The following MAP7D1 variants were observed in gnomAD, a reference collection of about 807,000 sequenced individuals.
MAP7D1 encodes the protein MAP7 domain-containing protein 1.
MAP7D1 carries 30 observed loss-of-function variants against 97.5 expected under a neutral mutation model. The observed-to-expected ratio is 0.31, with a 90% CI of 0.23 to 0.42. MAP7D1 has a LOEUF of 0.42. MAP7D1 is among the 10% of genes least tolerant of loss of function. The pLI is 1.00. For synonymous variants in MAP7D1, 536 were observed against 477.1 expected, an observed-to-expected ratio of 1.12 and a Z score of -1.61; for missense variants, 1,184 against 1,179.5, an observed-to-expected ratio of 1.00 and a Z score of -0.06.
rs751161057 is a variant in MAP7D1, at chr1:36,178,447, C to T, written c.1737C>T (p.Ala579=). 12 of 1,611,114 alleles carry T rather than the reference C, an allele frequency of 7.4e-6. No homozygotes were observed. Among genetic ancestry groups the T allele is most frequent in the Non-Finnish European group, 9.3e-6 (11 of 1,179,466 alleles). ...TDAAVLTSPP[A]PAPPVTPSKP... is the part of the protein sequence containing the mutation. ...CTGCTGTCTTGACCTCACCCCCAGCCCCTGCTCCCCCGGTGACCCCTAGCA... is the reference window on the plus strand; with the variant it reads ...CTGCTGTCTTGACCTCACCCCCAGCTCCTGCTCCCCCGGTGACCCCTAGCA... The change falls in exon 10 of 17, where the codon GCC becomes GCT. Residue 579 remains alanine (A), a synonymous_variant. Transcript: ENST00000474796.
In MAP7D1 at chr1:36,180,547, G is replaced by A. The variant is rs1341230538; in HGVS notation, c.*289G>A. On this transcript the variant is annotated 3_prime_UTR_variant, in exon 17 of 17. Transcript: ENST00000474796. The stretch of plus-strand genomic sequence containing the variant: ...CTCTTCCCTTGGGGAGGGGCCACCT[G>A]TAGTATTTGCCTTGATTTGGTGGGG... 1 of 503,042 alleles carries A rather than the reference G, an allele frequency of 2.0e-6. No individual in the cohort carries two copies. The highest frequency in any genetic ancestry group is 3.6e-5 in the East Asian group (1 of 27,442). 31.2% of individuals were successfully genotyped at this position (503,042 alleles called of 1,614,324 possible). A position where few individuals can be genotyped will look rare whatever the true frequency, so the allele number is the denominator to read the frequency against.
intron 1 of MAP7D1, among the ~76,000 whole-genome samples, chr1:36,165,755 G>A (rs1274732695): frequency 1.4e-5 from 2 of 144,584 alleles, no homozygotes; most frequent in Admixed American, 1.4e-4. Context: ...TTTGGAGACG[G>A]AGTCTCACTC....
At chr1:36,162,226 G>A (rs967935514) in intron 1 of MAP7D1, among the ~76,000 whole-genome samples, 1 of 152,152 alleles carries the variant, frequency 6.6e-6, no homozygotes, top group Admixed American at 6.5e-5. Flanking sequence ...CCCTCTCGCT[G>A]CCCCTGGAGG....
chr1:36,179,359 G>T (rs755546589), intron 13 of MAP7D1, 44 bp downstream of exon 13: 1 of 1,609,756 alleles, frequency 6.2e-7, no homozygotes, highest in Non-Finnish European at 8.5e-7. Context: ...GGGGGGCAGG[G>T]TGTGAAAAGG....
intron 5 of MAP7D1, 93 bp downstream of exon 5, chr1:36,173,571 C>A: frequency 1.1e-6 from 1 of 917,022 alleles, no homozygotes; most frequent in Non-Finnish European, 1.7e-6. Flanking sequence ...GCTGGTGGCT[C>A]CCTGCAGCAG....
rs1408274377 is a variant in MAP7D1, at chr1:36,177,965, C to T, written c.1472C>T (p.Pro491Leu). Residue 491 changes from proline to leucine, a missense_variant, in exon 9 of 17, where the codon CCT becomes CTT. By Grantham distance (98) the Pro-to-Leu change is moderately conservative. Transcript: ENST00000474796. ...AGCCCAGGGCCAGGCCACACTCTGCCTCCAAAGCCACCGTCCCCCCGAGGC... is the reference window on the plus strand; with the variant it reads ...AGCCCAGGGCCAGGCCACACTCTGCTTCCAAAGCCACCGTCCCCCCGAGGC... Reference protein sequence around the residue: ...CPSPGPGHTLPPKPPSPRGTT... With the variant: ...CPSPGPGHTLLPKPPSPRGTT... 1.9e-6 allele frequency: 3 copies of T among 1,603,380 alleles called. No individual in the cohort carries two copies. Among genetic ancestry groups the T allele is most frequent in the African/African-American group, 1.3e-5 (1 of 74,918 alleles).
intron 1 of MAP7D1, among the ~76,000 whole-genome samples, chr1:36,169,681 T>C (rs1025081605): frequency 1.3e-5 from 2 of 152,204 alleles, no homozygotes; most frequent in African/African-American, 4.8e-5. Flanking sequence ...TAGCAGCAGA[T>C]GGCACCAGGG....
Position 36,178,507 on chromosome 1 carries a change from C to A in MAP7D1, c.1797C>A (p.Ala599=). Residue 599 remains alanine (A), a synonymous_variant, in exon 10 of 17, where the codon GCC becomes GCA. Transcript: ENST00000474796. ...CCGGCACCACAGACCGAGAAGAAGCCACTCGGCTCTTGGCTGAGAAGCGGC... is the reference window on the plus strand; with the variant it reads ...CCGGCACCACAGACCGAGAAGAAGCAACTCGGCTCTTGGCTGAGAAGCGGC... ...PMAGTTDREE[A]TRLLAEKRRQ... is the part of the protein sequence containing the mutation. 6.2e-7 allele frequency: 1 copy of A among 1,610,582 alleles called. No homozygotes were observed.
Position 36,171,027 on chromosome 1 carries a change from C to A in MAP7D1, c.103C>A (p.Pro35Thr). The change falls in exon 2 of 17, where the codon CCC becomes ACC. Residue 35 changes from proline to threonine, a missense_variant. Physicochemically the swap from Pro to Thr is conservative, Grantham distance 38 (BLOSUM62 -1). Coordinates refer to ENST00000474796, the MANE Select transcript of MAP7D1 (RefSeq NM_001388490.1). ...ACCTTCTCCAGAAGGTGACCCTTCC[C>A]CCCCACCACCACCAATGTCAGCCCT... ...PRPSPEGDPS[P>T]PPPPMSALVP... The A allele has an allele frequency of 6.6e-7, 1 of 1,522,808 alleles. No individual in the cohort carries two copies. The highest frequency in any genetic ancestry group is 9.0e-7 in the Non-Finnish European group (1 of 1,116,810). The allele number at this position is 1,522,808 out of a possible 1,614,324, so 94.3% of individuals were successfully genotyped here.
chr1:36,156,876 G>A (rs893637982), intron 1 of MAP7D1, among the ~76,000 whole-genome samples: 1 of 151,820 alleles, frequency 6.6e-6, no homozygotes, highest in Admixed American at 6.5e-5. Flanking sequence ...GCCTGAGTGT[G>A]TCGGGGGTCC....
chr1:36,175,593 A>G (rs1434020940), intron 6 of MAP7D1, among the ~76,000 whole-genome samples: 1 of 152,202 alleles, frequency 6.6e-6, no homozygotes, highest in Non-Finnish European at 1.5e-5. Flanking sequence ...GTTATTTATA[A>G]GTTTCTCTTG....
chr1:36,160,405 G>A lies in MAP7D1; in HGVS notation c.46+3942G>A, dbSNP rs12085858. On this transcript the variant is annotated intron_variant, in intron 1 of 16. Coordinates refer to ENST00000474796, the MANE Select transcript of MAP7D1 (RefSeq NM_001388490.1). ...GATGTGAGCCAGGTAGAGACTCCCC[G>A]GTGAACCAAGTTATTTCCCATTAAT... Among the ~76,000 whole-genome samples, 601 of 152,278 alleles carry A rather than the reference G, an allele frequency of 3.9e-3. 8 individuals carry two copies. The highest frequency in any genetic ancestry group is 0.014 in the African/African-American group (566 of 41,552).
At position 36,178,791 on chromosome 1, in the gene MAP7D1, G is replaced by C; in HGVS notation, c.1993G>C (p.Glu665Gln). The C allele has an allele frequency of 6.5e-7, 1 of 1,546,506 alleles. No homozygotes were observed. The highest frequency in any genetic ancestry group is 8.7e-7 in the Non-Finnish European group (1 of 1,145,390). The change falls in exon 11 of 17, where the codon GAG becomes CAG. Residue 665 changes from glutamate to glutamine, a missense_variant. Physicochemically the swap from Glu to Gln is conservative, Grantham distance 29. Transcript: ENST00000474796. The stretch of plus-strand genomic sequence containing the variant: ...GGAGGCACGAGAGAAGGCGCAGGCC[G>C]AGCAGGAGGAGCAGGAGCGGCTGCA... The part of the protein sequence containing the change: ...EQEAREKAQA[E>Q]QEEQERLQKQ...
chr1:36,165,784 G>A (rs988986741), intron 1 of MAP7D1, among the ~76,000 whole-genome samples: 6 of 145,288 alleles, frequency 4.1e-5, no homozygotes, highest in African/African-American at 1.6e-4. Context: ...AGGCTGGAGT[G>A]CAGTGGCACG....
chr1:36,170,935 A>G (rs1476650562), intron 1 of MAP7D1, 36 bp from the exon 2 acceptor site: 2 of 824,810 alleles, frequency 2.4e-6, no homozygotes, highest in African/African-American at 1.7e-5. Flanking sequence ...CAGATGAGCA[A>G]TCTGACCTCT....
At chr1:36,162,467 A>ATAAGGGTTT (rs1401880093) in intron 1 of MAP7D1, among the ~76,000 whole-genome samples, 7 of 152,218 alleles carry the variant, frequency 4.6e-5, no homozygotes, top group Non-Finnish European at 8.8e-5. Flanking sequence ...ACAGCATGAC[A>ATAAGGGTTT]TAAGGGTTTT....
Position 36,172,542 on chromosome 1 carries a change from G to T in MAP7D1, c.539G>T (p.Arg180Leu), listed in dbSNP as rs535970704. Residue 180 changes from arginine (R) to leucine (L), a missense_variant, in exon 4 of 17, where the codon CGC becomes CTC. Coordinates refer to ENST00000474796, the MANE Select transcript of MAP7D1 (RefSeq NM_001388490.1). ...GAGAAGCAGCTCCAGGAGCGCCGGCGCCGGCTGGAGGAGCAACGTCTTAAA... is the reference window on the plus strand; with the variant it reads ...GAGAAGCAGCTCCAGGAGCGCCGGCTCCGGCTGGAGGAGCAACGTCTTAAA... ...LREKQLQERR[R>L]RLEEQRLKAE... 7 of 1,602,896 alleles carry T rather than the reference G, an allele frequency of 4.4e-6. No homozygotes were observed. The highest frequency in any genetic ancestry group is 5.1e-6 in the Non-Finnish European group (6 of 1,171,756).
chr1:36,165,981 T>C (rs1269594871), intron 1 of MAP7D1, among the ~76,000 whole-genome samples: 1 of 151,648 alleles, frequency 6.6e-6, no homozygotes, highest in East Asian at 1.9e-4. Flanking sequence ...CCACCTGCCT[T>C]GGCCTCCCAA....
At position 36,159,939 on chromosome 1, in the gene MAP7D1, TA is replaced by T. The variant is rs1307653016; in HGVS notation, c.46+3478del. On this transcript the variant is annotated intron_variant, in intron 1 of 16. Coordinates refer to ENST00000474796, the MANE Select transcript of MAP7D1 (RefSeq NM_001388490.1). The surrounding 1 kb of genome is among the most constrained non-coding windows in gnomAD (Gnocchi z 5.4). Reference sequence around the variant, plus strand: ...AATAATGAGGCCTCTAATGAGCCCCTAATGTGCAGTCACGCATATGCAAATG... The same window carrying T: ...AATAATGAGGCCTCTAATGAGCCCCTATGTGCAGTCACGCATATGCAAATG... 6.6e-6 allele frequency among the ~76,000 whole-genome samples: 1 copy of T among 152,162 alleles called. No homozygotes were observed. Among genetic ancestry groups the T allele is most frequent in the African/African-American group, 2.4e-5 (1 of 41,432 alleles).
Sources: gnomAD v4.1 joint callset for allele counts (sites outside exome capture counted in the v4.1 genomes callset) on GRCh38, gnomAD v4.1.1 for gene constraint, Gnocchi (gnomAD v3.1) non-coding constraint, MANE v1.5 for transcripts, NCBI Gene and HGNC (gene_info 2026-07-23, HGNC 2026-07-21) for gene names.